PRKN: variants seen among roughly 807,000 people sequenced by gnomAD.
The protein encoded by PRKN is E3 ubiquitin-protein ligase parkin.
Under a neutral mutation model 59.5 loss-of-function variants are expected in PRKN, and 56 were observed. The ratio of observed to expected loss-of-function variants is 0.94; its 90% CI spans 0.76 to 1.18. The LOEUF (loss-of-function observed/expected upper bound fraction) is 1.18, where lower values mean the gene tolerates loss of function less well. PRKN is among the 50% of genes most tolerant of loss of function. The pLI is 0.00. For synonymous variants in PRKN, 250 were observed against 222.1 expected (o/e 1.13, Z -1.12); for missense variants, 657 against 596.4 (o/e 1.10, Z -1.06).
chr6:161,939,435 A>T (rs934312181), intron 6 of PRKN, among the ~76,000 whole-genome samples: 4 of 149,866 alleles, frequency 2.7e-5, no homozygotes, highest in Non-Finnish European at 5.9e-5. Context: ...AAAAAAAAAA[A>T]AAAAAAAATA....
intron 2 of PRKN, chr6:162,264,623 A>C (rs1780044931): frequency 6.6e-6 from 1 of 152,638 alleles, no homozygotes; most frequent in African/African-American, 2.4e-5. Flanking sequence ...TCTCATCCCC[A>C]GGCCCTGTGC....
At chr6:161,636,862 T>A (rs778106208) in intron 7 of PRKN, among the ~76,000 whole-genome samples, 18 of 152,192 alleles carry the variant, frequency 1.2e-4, no homozygotes, top group Admixed American at 2.6e-4. Flanking sequence ...GGAGGAGGGA[T>A]GACCGGCCGC....
At chr6:161,763,748 C>A (rs1789306151) in intron 7 of PRKN, among the ~76,000 whole-genome samples, 1 of 151,970 alleles carries the variant, frequency 6.6e-6, no homozygotes, top group Admixed American at 6.6e-5. Flanking sequence ...AAATTTTTGT[C>A]ATGGATTCCA....
Position 161,530,496 on chromosome 6 carries a change from G to A in PRKN, c.1083+18358C>T, listed in dbSNP as rs184702765. ...ATTCCGTGTCGAAGAAGACCTATAC[G>A]GCTTGCTTCTTTTTTTCTTTTTTTC... On this transcript the variant is annotated intron_variant, in intron 9 of 11. Coordinates refer to ENST00000366898, the MANE Select transcript of PRKN (RefSeq NM_004562.3). This position sits in a 1 kb window ranked among gnomAD's most constrained non-coding sequence, Gnocchi z 5.0. Among the ~76,000 whole-genome samples the A allele has an allele frequency of 2.8e-4, 42 of 151,916 alleles. No homozygotes were observed. The highest frequency in any genetic ancestry group is 4.6e-4 in the Non-Finnish European group (31 of 67,980).
intron 1 of PRKN, among the ~76,000 whole-genome samples, chr6:162,532,959 T>C (rs979045312): frequency 6.6e-6 from 1 of 152,192 alleles, no homozygotes; most frequent in Non-Finnish European, 1.5e-5. Context: ...GATGCAATAA[T>C]GTCTTGGCAA....
At chr6:162,028,047 A>C (rs992909605) in intron 5 of PRKN, among the ~76,000 whole-genome samples, 1 of 152,184 alleles carries the variant, frequency 6.6e-6, no homozygotes, top group Non-Finnish European at 1.5e-5. Context: ...TCCAAAGAAC[A>C]GAAAGAAAGA....
chr6:162,578,094 T>C (rs953356050), intron 1 of PRKN, among the ~76,000 whole-genome samples: 11 of 152,180 alleles, frequency 7.2e-5, no homozygotes, highest in African/African-American at 2.4e-4. Flanking sequence ...GATATATGGA[T>C]ATTCTCTCAA....
intron 3 of PRKN, among the ~76,000 whole-genome samples, chr6:162,205,513 TG>T (rs1333679068): frequency 6.6e-6 from 1 of 152,172 alleles, no homozygotes; most frequent in African/African-American, 2.4e-5. Context: ...TGGGATAATT[TG>T]TTTTCTAGGT....
chr6:162,280,943 C>A (rs1780871206), intron 2 of PRKN, among the ~76,000 whole-genome samples: 1 of 151,782 alleles, frequency 6.6e-6, no homozygotes, highest in Non-Finnish European at 1.5e-5. Context: ...GAATACTATG[C>A]AACCATAAAA....
At chr6:162,184,806 T>G (rs1471270829) in intron 4 of PRKN, among the ~76,000 whole-genome samples, 1 of 152,204 alleles carries the variant, frequency 6.6e-6, no homozygotes, top group Admixed American at 6.5e-5. Flanking sequence ...ATCTGCATGT[T>G]TGGAGTAGGC....
At chr6:162,640,238 G>C (rs1160592499) in intron 1 of PRKN, among the ~76,000 whole-genome samples, 17 of 152,050 alleles carry the variant, frequency 1.1e-4, no homozygotes. Flanking sequence ...CTCTTTAATA[G>C]GGGGCTTTTC....
intron 1 of PRKN, among the ~76,000 whole-genome samples, chr6:162,619,144 C>CTTTT: frequency 7.6e-6 from 1 of 132,184 alleles, no homozygotes; most frequent in Non-Finnish European, 1.6e-5. Context: ...AGTATTTTTC[C>CTTTT]TTTTTTTTTT....
intron 1 of PRKN, among the ~76,000 whole-genome samples, chr6:162,483,155 G>C (rs1792382207): frequency 6.6e-6 from 1 of 152,194 alleles, no homozygotes; most frequent in African/African-American, 2.4e-5. Flanking sequence ...CTATCCCAAG[G>C]ATAATTTATC....
intron 7 of PRKN, among the ~76,000 whole-genome samples, chr6:161,635,751 G>A (rs1170360502): frequency 6.6e-6 from 1 of 152,190 alleles, no homozygotes; most frequent in Non-Finnish European, 1.5e-5. Flanking sequence ...TCCCAGGTAG[G>A]TGAAGAGCTT....
Position 161,456,780 on chromosome 6 carries a change from C to T in PRKN, c.1084-69903G>A, listed in dbSNP as rs533151749. On this transcript the variant is annotated intron_variant, in intron 9 of 11. Coordinates refer to ENST00000366898, the MANE Select transcript of PRKN (RefSeq NM_004562.3). The surrounding 1 kb of genome is among the most constrained non-coding windows in gnomAD (Gnocchi z 4.8). ...AGGGTGAAAGGGTCTGGGGTACATG[C>T]ACATGACCCTTCCTCTTCCTCTTCC... Among the ~76,000 whole-genome samples the T allele has an allele frequency of 1.4e-4, 21 of 152,278 alleles. No individual in the cohort carries two copies. The highest frequency in any genetic ancestry group is 1.9e-4 in the East Asian group (1 of 5,168).
Position 161,410,401 on chromosome 6 carries a change from T to C in PRKN, c.1084-23524A>G, listed in dbSNP as rs1787476303. Among the ~76,000 whole-genome samples the C allele has an allele frequency of 6.6e-6, 1 of 152,062 alleles. No individual in the cohort carries two copies. The highest frequency in any genetic ancestry group is 6.6e-5 in the Admixed American group (1 of 15,266). On this transcript the variant is annotated intron_variant, in intron 9 of 11. Coordinates refer to ENST00000366898, the MANE Select transcript of PRKN (RefSeq NM_004562.3). This position sits in a 1 kb window ranked among gnomAD's most constrained non-coding sequence, Gnocchi z 5.3. ...CCTGGCCTGGGGGAAGCACGTACAA[T>C]CCCTGAGCTATGAACAGTGGCACCA...
chr6:162,310,717 A>C (rs891537624), intron 2 of PRKN, among the ~76,000 whole-genome samples: 9 of 151,198 alleles, frequency 6.0e-5, no homozygotes, highest in Non-Finnish European at 1.2e-4. Context: ...CACATTGTGC[A>C]TATGTACCCT....
At position 162,688,373 on chromosome 6, in the gene PRKN, G is replaced by A. The variant is rs191910373; in HGVS notation, c.7+39289C>T. Among the ~76,000 whole-genome samples, 310 of 152,038 alleles carry A rather than the reference G, an allele frequency of 2.0e-3. 1 individual carries two copies. Among genetic ancestry groups the A allele is most frequent in the African/African-American group, 7.1e-3 (295 of 41,458 alleles). Reference sequence around the variant, plus strand: ...TATTCATCTAGATGGTGAGAACATGGGTGTATACATATGGAATATTATTTA... The same window carrying A: ...TATTCATCTAGATGGTGAGAACATGAGTGTATACATATGGAATATTATTTA... On this transcript the variant is annotated intron_variant, in intron 1 of 11. Transcript: ENST00000366898.
intron 9 of PRKN, among the ~76,000 whole-genome samples, chr6:161,509,438 G>A (rs1467743008): frequency 1.3e-5 from 2 of 152,146 alleles, no homozygotes; most frequent in Non-Finnish European, 2.9e-5. Flanking sequence ...GAGGAGCCTG[G>A]AGAATAGGGG....
Sources: gnomAD v4.1 joint callset for allele counts (sites outside exome capture counted in the v4.1 genomes callset) on GRCh38, gnomAD v4.1.1 for gene constraint, Gnocchi (gnomAD v3.1) non-coding constraint, MANE v1.5 for transcripts, NCBI Gene and HGNC (gene_info 2026-07-23, HGNC 2026-07-21) for gene names.